Variants in ANK3 observed in about 807,000 individuals in gnomAD.
The protein encoded by ANK3 is ankyrin-3.
Under a neutral mutation model 370.9 loss-of-function variants are expected in ANK3, and 57 were observed. The observed-to-expected ratio is 0.15, with a 90% CI of 0.12 to 0.19. The LOEUF is 0.19. Among genes scored for constraint, ANK3 ranks in the 10% least tolerant of loss-of-function variants. The pLI is 1.00. For synonymous variants in ANK3, 1,929 were observed against 1,946.3 expected (o/e 0.99, Z 0.23); for missense variants, 4,439 against 5,302.1 (o/e 0.84, Z 5.06).
At chr10:60,154,966 G>C (rs2095282845) in intron 23 of ANK3, among the ~76,000 whole-genome samples, 1 of 152,126 alleles carries the variant, frequency 6.6e-6, no homozygotes, top group Admixed American at 6.6e-5. Context: ...AAAAGAAACA[G>C]AGGAAGGTTC....
At chr10:60,557,317 C>A (rs2077230917) in intron 2 of ANK3, among the ~76,000 whole-genome samples, 1 of 152,074 alleles carries the variant, frequency 6.6e-6, no homozygotes, top group African/African-American at 2.4e-5. Context: ...AAAAGAAAAG[C>A]AGCACTAATA....
At chr10:60,170,552 C>T (rs912650661) in intron 21 of ANK3, among the ~76,000 whole-genome samples, 2 of 152,192 alleles carry the variant, frequency 1.3e-5, no homozygotes, top group African/African-American at 2.4e-5. Context: ...TTTTAATCAA[C>T]GTGAACACTT....
At chr10:60,606,740 C>A (rs553124012) in intron 2 of ANK3, among the ~76,000 whole-genome samples, 1 of 152,300 alleles carries the variant, frequency 6.6e-6, no homozygotes, top group East Asian at 1.9e-4. Context: ...ACATTCCCTA[C>A]CCAGCCGAGA....
intron 2 of ANK3, among the ~76,000 whole-genome samples, chr10:60,455,927 A>G (rs1441285097): frequency 3.3e-5 from 5 of 152,186 alleles, no homozygotes; most frequent in African/African-American, 1.2e-4. Context: ...TGAGATTATT[A>G]AACAGTTCCC....
intron 1 of ANK3, among the ~76,000 whole-genome samples, chr10:60,353,980 C>T (rs2057345796): frequency 6.6e-6 from 1 of 152,232 alleles, no homozygotes; most frequent in African/African-American, 2.4e-5. Context: ...ATCTCCATAT[C>T]CACGTGCAGT....
At chr10:60,688,403 G>A (rs188520739) in intron 1 of ANK3, among the ~76,000 whole-genome samples, 69 of 152,188 alleles carry the variant, frequency 4.5e-4, no homozygotes, top group East Asian at 7.7e-4. Flanking sequence ...TTTCAGTTAC[G>A]TAAAATGAAT....
At chr10:60,357,873 T>A (rs1271228243) in intron 1 of ANK3, among the ~76,000 whole-genome samples, 2 of 152,114 alleles carry the variant, frequency 1.3e-5, no homozygotes, top group African/African-American at 4.8e-5. Flanking sequence ...CTACTCTCTC[T>A]CCTTCTGCAA....
At chr10:60,038,503 TTAAG>T (rs2075524121) in intron 43 of ANK3, among the ~76,000 whole-genome samples, 1 of 152,074 alleles carries the variant, frequency 6.6e-6, no homozygotes, top group Non-Finnish European at 1.5e-5. Context: ...CTGGACCTAA[TTAAG>T]GAGCTTCTAC....
chr10:60,706,416 A>G (rs962282893), intron 1 of ANK3, among the ~76,000 whole-genome samples: 2 of 152,034 alleles, frequency 1.3e-5, no homozygotes, highest in African/African-American at 4.8e-5. Flanking sequence ...CTCCCCTCTG[A>G]CCAGAGATAT....
At chr10:60,689,257 G>C (rs934421415) in intron 1 of ANK3, among the ~76,000 whole-genome samples, 2 of 152,278 alleles carry the variant, frequency 1.3e-5, no homozygotes, top group East Asian at 3.9e-4. Context: ...AAATTAGCCA[G>C]ATGTGGTGCC....
At chr10:60,475,801 T>A (rs898294037) in intron 2 of ANK3, among the ~76,000 whole-genome samples, 1 of 152,144 alleles carries the variant, frequency 6.6e-6, no homozygotes, top group African/African-American at 2.4e-5. Context: ...TGGACACATT[T>A]CCACTGGTCT....
intron 2 of ANK3, among the ~76,000 whole-genome samples, chr10:60,417,541 T>A (rs975896273): frequency 6.6e-6 from 1 of 152,186 alleles, no homozygotes; most frequent in East Asian, 1.9e-4. Flanking sequence ...TGTTTGCAGC[T>A]GGTTGCAATT....
At chr10:60,230,813 C>A (rs1409103156) in intron 8 of ANK3, among the ~76,000 whole-genome samples, 1 of 151,624 alleles carries the variant, frequency 6.6e-6, no homozygotes, top group Non-Finnish European at 1.5e-5. Flanking sequence ...GGCTTGAACC[C>A]AGGAGGTGGA....
chr10:60,567,749 C>T (rs183849989), intron 2 of ANK3, among the ~76,000 whole-genome samples: 1 of 152,316 alleles, frequency 6.6e-6, no homozygotes, highest in African/African-American at 2.4e-5. Context: ...CCATTAAGCA[C>T]ATGTGTGATT....
At chr10:60,342,131 T>C (rs993383848) in intron 1 of ANK3, among the ~76,000 whole-genome samples, 2 of 152,158 alleles carry the variant, frequency 1.3e-5, no homozygotes, top group African/African-American at 4.8e-5. Context: ...TGCAGTATGC[T>C]GCAATATGAC....
At chr10:60,662,694 T>C (rs1016668409) in intron 1 of ANK3, among the ~76,000 whole-genome samples, 2 of 152,210 alleles carry the variant, frequency 1.3e-5, no homozygotes, top group African/African-American at 4.8e-5. Flanking sequence ...ATCTATGTTT[T>C]ATACACTGAA....
chr10:60,205,932 T>C (rs751948553), intron 10 of ANK3, 42 bp from the exon 11 acceptor site: 8 of 1,310,520 alleles, frequency 6.1e-6, no homozygotes, highest in Non-Finnish European at 8.8e-6. Context: ...CTACATTCCA[T>C]CAAAATCCAG....
chr10:60,712,532 A>T (rs1468845903), intron 1 of ANK3, among the ~76,000 whole-genome samples: 1 of 152,236 alleles, frequency 6.6e-6, no homozygotes, highest in Admixed American at 6.5e-5. Flanking sequence ...AATCATATAA[A>T]GTGCTCAATA....
At chr10:60,060,215 A>C (rs371992026) in intron 40 of ANK3, 17 of 396,260 alleles carry the variant, frequency 4.3e-5, no homozygotes, top group African/African-American at 3.1e-4. Flanking sequence ...ATACTAATTA[A>C]GATATCAATT....
Sources: gnomAD v4.1 joint callset for allele counts (sites outside exome capture counted in the v4.1 genomes callset) on GRCh38, gnomAD v4.1.1 for gene constraint, MANE v1.5 for transcripts, NCBI Gene and HGNC (gene_info 2026-07-23, HGNC 2026-07-21) for gene names.